KDM6A: variants seen among roughly 807,000 people sequenced by gnomAD.
KDM6A encodes lysine-specific demethylase 6A.
In KDM6A, 11 loss-of-function variants were observed where a neutral mutation model predicts 117.6. The ratio of observed to expected loss-of-function variants is 0.09; its 90% confidence interval spans 0.06 to 0.15. The LOEUF is 0.15. KDM6A is among the 10% of genes least tolerant of loss of function. The pLI is 1.00. For missense variants in KDM6A, 799 were observed against 1,077.3 expected, an observed-to-expected ratio of 0.74 and a Z score of 3.62; for synonymous variants, 384 against 396.1, an observed-to-expected ratio of 0.97 and a Z score of 0.36.
intron 2 of KDM6A, among the ~76,000 whole-genome samples, chrX:44,925,121 C>T (rs1314522359): frequency 1.8e-5 from 2 of 111,769 alleles, no homozygotes; most frequent in Non-Finnish European, 3.8e-5. Flanking sequence ...TTCTTTACCT[C>T]CATGTACTCA....
chrX:44,979,845 T>C (rs1271275621), intron 4 of KDM6A, among the ~76,000 whole-genome samples: 1 of 110,941 alleles, frequency 9.0e-6, no homozygotes, highest in Non-Finnish European at 1.9e-5. Context: ...TTGAAAAATA[T>C]CAACGTACAA....
intron 28 of KDM6A, 38 bp downstream of exon 28, chrX:45,107,574 C>G (rs2148290786): frequency 1.7e-6 from 2 of 1,186,087 alleles, no homozygotes; most frequent in Non-Finnish European, 2.3e-6. Flanking sequence ...TTTTATAAAG[C>G]CTCTTCCCTC....
At chrX:44,974,518 G>T in intron 3 of KDM6A, 148 bp from the exon 4 acceptor site, 1 of 473,773 alleles carries the variant, frequency 2.1e-6, no homozygotes, top group South Asian at 3.0e-5. Context: ...CTGAACTGAG[G>T]GGGGCCCAGA....
intron 17 of KDM6A, among the ~76,000 whole-genome samples, chrX:45,064,906 C>T (rs181985944): frequency 2.7e-5 from 3 of 111,681 alleles, no homozygotes; most frequent in East Asian, 2.8e-4. Flanking sequence ...AGGTTCATTT[C>T]CTACTCAAGG....
chrX:44,892,917 C>G (rs191368653), intron 2 of KDM6A, among the ~76,000 whole-genome samples: 1 of 102,107 alleles, frequency 9.8e-6, no homozygotes, highest in Admixed American at 1.1e-4. Context: ...GCAGGAGAAT[C>G]GCTTGGATCT....
In KDM6A at chrX:44,905,793, A is replaced by G. The variant is rs944865896; in HGVS notation, c.225+31806A>G. Among the ~76,000 whole-genome samples, 4 of 112,578 alleles carry G rather than the reference A, an allele frequency of 3.6e-5. No homozygotes were observed. The South Asian group carries it at 1.4e-3, about 41-fold the overall frequency. On this transcript the variant is annotated intron_variant, in intron 2 of 29. Transcript: ENST00000611820. ...ATTTATAGTGTAACATTTAAAATACATATATGATTGTGAAATATTTACATT... is the reference window on the plus strand; with the variant it reads ...ATTTATAGTGTAACATTTAAAATACGTATATGATTGTGAAATATTTACATT...
intron 4 of KDM6A, among the ~76,000 whole-genome samples, chrX:44,986,883 T>G (rs891863608): frequency 8.9e-6 from 1 of 111,933 alleles, no homozygotes; most frequent in African/African-American, 3.3e-5. Flanking sequence ...AGAATGTATA[T>G]TCTGTTGATT....
intron 8 of KDM6A, among the ~76,000 whole-genome samples, chrX:45,046,673 A>G (rs5952672): frequency 0.17 from 19,055 of 111,172 alleles, 2,364 homozygotes; most frequent in African/African-American, 0.44. Context: ...AATACCAACA[A>G]ACTTTTGTTA....
intron 27 of KDM6A, among the ~76,000 whole-genome samples, chrX:45,101,328 G>T (rs1256602709): frequency 9.0e-6 from 1 of 111,652 alleles, no homozygotes; most frequent in African/African-American, 3.3e-5. Context: ...TGACTGTTAT[G>T]TGAGTCTTAG....
At chrX:44,922,022 G>A (rs2035965978) in intron 2 of KDM6A, among the ~76,000 whole-genome samples, 1 of 34,547 alleles carries the variant, frequency 2.9e-5, no homozygotes, top group African/African-American at 8.8e-5. Context: ...AATTCATTGT[G>A]TGTGCCTTTT....
chrX:45,079,492 CGTATGTATATATGTATGTATGTAT>C, intron 21 of KDM6A, 141 bp downstream of exon 21: 1 of 468,268 alleles, frequency 2.1e-6, no homozygotes, highest in Admixed American at 3.4e-5. Flanking sequence ...CCAGTTGTCT[CGTATGTATATATGTATGTATGTAT>C]GTATGTATGT....
At chrX:45,049,264 C>T (rs959350976) in intron 8 of KDM6A, among the ~76,000 whole-genome samples, 1 of 111,907 alleles carries the variant, frequency 8.9e-6, no homozygotes, top group African/African-American at 3.3e-5. Context: ...AGTATAGTTA[C>T]TCACATTGTT....
chrX:44,879,138 GTAAGTCTTTTT>G (rs1424064612), intron 2 of KDM6A, among the ~76,000 whole-genome samples: 1 of 112,321 alleles, frequency 8.9e-6, no homozygotes. Context: ...TAGCTGCAGA[GTAAGTCTTTTT>G]CTGACTTAAA....
intron 27 of KDM6A, among the ~76,000 whole-genome samples, chrX:45,092,376 T>C (rs1339772714): frequency 8.9e-6 from 1 of 111,733 alleles, no homozygotes; most frequent in African/African-American, 3.3e-5. Context: ...AGCTCCTACT[T>C]AATATAGTAA....
chrX:44,988,570 C>T (rs1386968555), intron 4 of KDM6A, among the ~76,000 whole-genome samples: 5 of 110,841 alleles, frequency 4.5e-5, no homozygotes, highest in Non-Finnish European at 7.5e-5. Context: ...ATGATGGTGA[C>T]GTACAGATGG....
At chrX:44,901,815 C>G (rs938175529) in intron 2 of KDM6A, among the ~76,000 whole-genome samples, 5 of 112,358 alleles carry the variant, frequency 4.5e-5, no homozygotes, top group Non-Finnish European at 9.4e-5. Flanking sequence ...CCACCCAGCT[C>G]TATTTTGGTT....
At chrX:44,906,494 C>T (rs1252988447) in intron 2 of KDM6A, among the ~76,000 whole-genome samples, 1 of 110,330 alleles carries the variant, frequency 9.1e-6, no homozygotes, top group Non-Finnish European at 1.9e-5. Context: ...CCTTAAATGG[C>T]TTCCTTTCTC....
At chrX:44,932,325 G>A (rs1039647877) in intron 2 of KDM6A, among the ~76,000 whole-genome samples, 2 of 108,264 alleles carry the variant, frequency 1.8e-5, no homozygotes, top group African/African-American at 6.8e-5. Flanking sequence ...TGGCCAGGCC[G>A]GTCTTCAACT....
Position 45,089,635 on chromosome X carries a change from A to G in KDM6A, c.3705-108A>G, listed in dbSNP as rs890650491. On this transcript the variant is annotated intron_variant, in intron 25 of 29. Transcript: ENST00000611820. ...TTTTTGCACAAGCAATTATGTTTCA[A>G]TAAAATGAACAAGTGTTTATTTAAA... The G allele has an allele frequency of 1.2e-5, 7 of 569,369 alleles. No individual in the cohort carries two copies. The African/African-American group carries it at 1.6e-4, about 13-fold the overall frequency. The allele number at this position is 569,369 out of a possible 1,213,427, so 46.9% of individuals were successfully genotyped here. A position where few individuals can be genotyped will look rare whatever the true frequency, so the allele number is the denominator to read the frequency against.
Sources: allele counts gnomAD v4.1 joint callset (sites outside exome capture counted in the v4.1 genomes callset), GRCh38; gene constraint gnomAD v4.1.1; transcripts MANE v1.5; gene names NCBI Gene and HGNC (gene_info 2026-07-23, HGNC 2026-07-21).